The following ZNF385C variants were observed in gnomAD, a reference collection of about 807,000 sequenced individuals.
The protein encoded by ZNF385C is CTD-2132N18.2.
ZNF385C carries 28 observed loss-of-function variants against 35.4 expected under a neutral mutation model. The observed-to-expected ratio is 0.79, with a 90% CI of 0.59 to 1.08. The LOEUF is 1.08. Among genes scored for constraint, ZNF385C ranks in the 50% least tolerant of loss-of-function variants. The pLI is 0.00. For missense variants in ZNF385C, 605 were observed against 595.6 expected, an observed-to-expected ratio of 1.02 and a Z score of -0.16; for synonymous variants, 248 against 248.2, an observed-to-expected ratio of 1.00 and a Z score of 0.01.
rs1465478467 is a variant in ZNF385C at position 42,050,729 on chromosome 17, C to T, written c.250+12078G>A. 6.6e-6 allele frequency: 1 copy of T among 150,602 alleles called. No individual in the cohort carries two copies. The highest frequency in any genetic ancestry group is 1.5e-5 in the Non-Finnish European group (1 of 67,512). The allele number at this position is 150,602 out of a possible 1,614,324, so 9.3% of individuals were successfully genotyped here. ...CGCCCCCGGGGCTCACCTGGCCGCGCCCACCTGCGGCGCCTCCCGCCCAGC... is the reference window on the plus strand; with the variant it reads ...CGCCCCCGGGGCTCACCTGGCCGCGTCCACCTGCGGCGCCTCCCGCCCAGC... On this transcript the variant is annotated intron_variant, in intron 2 of 8. Coordinates refer to ENST00000692273, the MANE Select transcript of ZNF385C (RefSeq NM_001392013.1). The surrounding 1 kb of genome is among the most constrained non-coding windows in gnomAD (Gnocchi z 5.6).
At chr17:42,034,460 C>A (rs573653194) in intron 3 of ZNF385C, 125 bp from the exon 4 acceptor site, 1 of 655,350 alleles carries the variant, frequency 1.5e-6, no homozygotes, top group African/African-American at 1.8e-5. Flanking sequence ...CTAGGAAGAA[C>A]TTTTCCATCC....
At chr17:42,061,798 T>A (rs983249964) in intron 2 of ZNF385C, 9 of 152,828 alleles carry the variant, frequency 5.9e-5, no homozygotes, top group African/African-American at 2.2e-4. Flanking sequence ...CTTTGTGCCC[T>A]GAGGGTATGT....
At chr17:42,072,690 C>G (rs1255569332) in intron 1 of ZNF385C, among the ~76,000 whole-genome samples, 1 of 152,126 alleles carries the variant, frequency 6.6e-6, no homozygotes, top group Non-Finnish European at 1.5e-5. Context: ...CGCCCCCGGG[C>G]GGCCCGACGG....
chr17:42,026,458 A>G lies in ZNF385C; in HGVS notation c.*439T>C. On this transcript the variant is annotated 3_prime_UTR_variant, in exon 9 of 9. Coordinates refer to ENST00000692273, the MANE Select transcript of ZNF385C (RefSeq NM_001392013.1). ...TGGTCACCTTGTCCTGACAGCCTTG[A>G]GCCTGCTGCAGCTAGAGACCCCATC... 1 of 205,406 alleles carries G rather than the reference A, an allele frequency of 4.9e-6. No individual in the cohort carries two copies. Among genetic ancestry groups the G allele is most frequent in the Non-Finnish European group, 1.0e-5 (1 of 100,004 alleles). The allele number at this position is 205,406 out of a possible 1,614,324, so 12.7% of individuals were successfully genotyped here.
intron 1 of ZNF385C, among the ~76,000 whole-genome samples, chr17:42,087,540 AAG>A (rs1192353914): frequency 5.9e-5 from 9 of 152,356 alleles, no homozygotes; most frequent in African/African-American, 2.2e-4. Flanking sequence ...GCTCTCTGAA[AAG>A]AGTTTTAAAG....
Position 42,031,717 on chromosome 17 carries a change from T to C in ZNF385C, c.578A>G (p.Lys193Arg). ...ARKLKAVEAA[K>R]SKQRPHTQAQ... ...CTGGGTGTGTGGCCTCTGCTTGCTCTTGGCAGCCTCGACAGCCTTGAGTTT... is the reference window on the plus strand; with the variant it reads ...CTGGGTGTGTGGCCTCTGCTTGCTCCTGGCAGCCTCGACAGCCTTGAGTTT... Residue 193 changes from lysine to arginine, a missense_variant, in exon 5 of 9, where the codon AAG (lysine) becomes AGG (arginine). Coordinates refer to ENST00000692273, the MANE Select transcript of ZNF385C (RefSeq NM_001392013.1). 6.4e-7 allele frequency: 1 copy of C among 1,550,810 alleles called. No homozygotes were observed. The highest frequency in any genetic ancestry group is 1.7e-4 in the Middle Eastern group (1 of 5,992).
At chr17:42,057,500 G>A (rs1555657615) in intron 2 of ZNF385C, among the ~76,000 whole-genome samples, 1 of 13,130 alleles carries the variant, frequency 7.6e-5, no homozygotes, top group African/African-American at 1.2e-4. Context: ...AGGGGTGTGC[G>A]CGCGCGCGCG....
intron 4 of ZNF385C, among the ~76,000 whole-genome samples, chr17:42,033,890 G>A (rs782086311): frequency 7.2e-5 from 11 of 152,296 alleles, no homozygotes; most frequent in Non-Finnish European, 1.3e-4. Context: ...CAGACCAGGA[G>A]CTGATGAGAT....
intron 1 of ZNF385C, among the ~76,000 whole-genome samples, chr17:42,063,564 A>T (rs2053498361): frequency 6.6e-6 from 1 of 152,052 alleles, no homozygotes; most frequent in Non-Finnish European, 1.5e-5. Flanking sequence ...CAAAAACAAA[A>T]ACAAAAAAAC....
At chr17:42,070,379 G>A (rs1598199897) in intron 1 of ZNF385C, among the ~76,000 whole-genome samples, 1 of 152,254 alleles carries the variant, frequency 6.6e-6, no homozygotes, top group East Asian at 1.9e-4. Flanking sequence ...AGATAAGAGA[G>A]GGGATTGGGC....
At chr17:42,046,456 T>C (rs1321596414) in intron 2 of ZNF385C, among the ~76,000 whole-genome samples, 1 of 151,926 alleles carries the variant, frequency 6.6e-6, no homozygotes, top group Non-Finnish European at 1.5e-5. Context: ...AAAAATTAGC[T>C]GGGCATGGTG....
chr17:42,087,098 C>T (rs1329330193), intron 1 of ZNF385C, among the ~76,000 whole-genome samples: 10 of 152,144 alleles, frequency 6.6e-5, no homozygotes, highest in Non-Finnish European at 1.3e-4. Context: ...GCTGGGATTA[C>T]AGGCGTGAGG....
At chr17:42,078,468 G>C (rs1417581608) in intron 1 of ZNF385C, among the ~76,000 whole-genome samples, 1 of 152,050 alleles carries the variant, frequency 6.6e-6, no homozygotes. Context: ...GGGGACTGGG[G>C]GAGCAGGGAG....
intron 1 of ZNF385C, among the ~76,000 whole-genome samples, chr17:42,070,690 C>T (rs1598200035): frequency 6.6e-6 from 1 of 152,156 alleles, no homozygotes; most frequent in African/African-American, 2.4e-5. Context: ...GGGGTGAGGA[C>T]CCTGGCAGGC....
chr17:42,058,358 C>T (rs946838839), intron 2 of ZNF385C, among the ~76,000 whole-genome samples: 13 of 152,212 alleles, frequency 8.5e-5, no homozygotes, highest in Non-Finnish European at 1.6e-4. Context: ...GCCAGAGGCC[C>T]GAGACCTCGT....
chr17:42,047,075 A>G (rs1200788197), intron 2 of ZNF385C, among the ~76,000 whole-genome samples: 3 of 140,384 alleles, frequency 2.1e-5, no homozygotes, highest in African/African-American at 8.2e-5. Context: ...TCTGTCACCC[A>G]GGCTGGAGCG....
At chr17:42,040,207 G>A (rs2052981145) in intron 2 of ZNF385C, 8 of 1,231,624 alleles carry the variant, frequency 6.5e-6, no homozygotes, top group Non-Finnish European at 8.1e-6. Flanking sequence ...GTCCAGCGAA[G>A]GCCCGGGGTA....
intron 4 of ZNF385C, among the ~76,000 whole-genome samples, chr17:42,032,527 G>T (rs1555655084): frequency 2.6e-5 from 4 of 152,218 alleles, no homozygotes; most frequent in Non-Finnish European, 5.9e-5. Flanking sequence ...GTTATCAAGT[G>T]TATCAATGCA....
intron 2 of ZNF385C, chr17:42,039,756 C>A (rs1392555488): frequency 8.1e-7 from 1 of 1,232,510 alleles, no homozygotes; most frequent in Non-Finnish European, 1.0e-6. Context: ...TCTCTAAGAA[C>A]TCCACAGCCA....
Sources: gnomAD v4.1 joint callset for allele counts (sites outside exome capture counted in the v4.1 genomes callset) on GRCh38, gnomAD v4.1.1 for gene constraint, Gnocchi (gnomAD v3.1) non-coding constraint, MANE v1.5 for transcripts, NCBI Gene and HGNC (gene_info 2026-07-23, HGNC 2026-07-21) for gene names.